ARHGAP10: variants seen among roughly 807,000 people sequenced by gnomAD.
ARHGAP10 encodes the protein rho GTPase-activating protein 10.
A neutral mutation model predicts 108.6 loss-of-function variants in ARHGAP10; 87 were observed. The ratio of observed to expected loss-of-function variants is 0.80; its 90% CI spans 0.67 to 0.96. The LOEUF is 0.96. Among genes scored for constraint, ARHGAP10 ranks in the 40% least tolerant of loss-of-function variants. ARHGAP10 has a pLI of 0.00. For missense variants in ARHGAP10, 939 were observed against 954.5 expected (o/e 0.98, Z 0.21); for synonymous variants, 347 against 341.1 (o/e 1.02, Z -0.19).
chr4:147,773,114 A>G (rs1406922550), intron 1 of ARHGAP10, among the ~76,000 whole-genome samples: 2 of 152,228 alleles, frequency 1.3e-5, no homozygotes, highest in South Asian at 4.1e-4. Context: ...GGGACACTTT[A>G]TATTAAGAAG....
chr4:147,796,580 A>C (rs72955541), intron 1 of ARHGAP10, among the ~76,000 whole-genome samples: 1,658 of 151,878 alleles, frequency 0.011, 27 homozygotes, highest in African/African-American at 0.037. Context: ...GCTGGAATGC[A>C]GTGGTGTCAT....
chr4:147,860,399 G>A (rs1319226469), intron 5 of ARHGAP10, among the ~76,000 whole-genome samples: 1 of 152,138 alleles, frequency 6.6e-6, no homozygotes, highest in Non-Finnish European at 1.5e-5. Context: ...CCGAGATGGG[G>A]CCACTGCACT....
At chr4:147,904,103 A>G (rs1046379795) in intron 10 of ARHGAP10, among the ~76,000 whole-genome samples, 19 of 152,134 alleles carry the variant, frequency 1.2e-4, no homozygotes, top group African/African-American at 4.6e-4. Context: ...GTTGCTCCAC[A>G]TCCTCTTCAA....
At chr4:147,785,104 T>G (rs1033857986) in intron 1 of ARHGAP10, among the ~76,000 whole-genome samples, 2 of 84,148 alleles carry the variant, frequency 2.4e-5, no homozygotes, top group African/African-American at 6.8e-5. Context: ...AAAAAAAGAA[T>G]AACATCTAAG....
chr4:148,022,509 A>T (rs1001627091), intron 18 of ARHGAP10, among the ~76,000 whole-genome samples: 1 of 152,212 alleles, frequency 6.6e-6, no homozygotes, highest in Admixed American at 6.5e-5. Context: ...ACAGCTATGG[A>T]GGGTCTATTA....
intron 18 of ARHGAP10, among the ~76,000 whole-genome samples, chr4:147,991,447 C>T (rs79247023): frequency 0.016 from 2,418 of 152,234 alleles, 50 homozygotes; most frequent in South Asian, 0.077. Context: ...CTTACTCTTC[C>T]CCAGCAACAA....
chr4:147,803,010 T>C (rs541016954), intron 1 of ARHGAP10, among the ~76,000 whole-genome samples: 40 of 145,694 alleles, frequency 2.7e-4, no homozygotes, highest in Admixed American at 1.1e-3. Flanking sequence ...TAGTTTTGTT[T>C]ATTGCTTTTT....
chr4:147,956,751 T>C (rs1217729852), intron 16 of ARHGAP10, among the ~76,000 whole-genome samples: 136 of 126,524 alleles, frequency 1.1e-3, no homozygotes, highest in African/African-American at 4.5e-3. Context: ...TTTTTTTTCC[T>C]TTTTTTTTTT....
intron 1 of ARHGAP10, among the ~76,000 whole-genome samples, chr4:147,792,116 T>C (rs2126747853): frequency 6.6e-6 from 1 of 152,356 alleles, no homozygotes; most frequent in South Asian, 2.1e-4. Flanking sequence ...ATAGTACACA[T>C]TGCTTTACAC....
intron 1 of ARHGAP10, among the ~76,000 whole-genome samples, chr4:147,747,028 G>T (rs1263054066): frequency 6.6e-6 from 1 of 152,152 alleles, no homozygotes; most frequent in African/African-American, 2.4e-5. Flanking sequence ...AGGTAATGGG[G>T]TTAGGGGAGA....
intron 12 of ARHGAP10, among the ~76,000 whole-genome samples, chr4:147,912,546 CAAATATATAT>C (rs1736790144): frequency 1.6e-5 from 1 of 63,224 alleles, no homozygotes; most frequent in Non-Finnish European, 2.6e-5. Flanking sequence ...AACAAACAAA[CAAATATATAT>C]ATATATATAT....
intron 10 of ARHGAP10, among the ~76,000 whole-genome samples, chr4:147,900,870 T>A (rs1018158175): frequency 5.3e-5 from 8 of 152,116 alleles, no homozygotes; most frequent in Admixed American, 1.3e-4. Context: ...TTCTTGTTAT[T>A]TTGCCCAGGC....
chr4:147,969,269 C>T (rs1739315637), intron 18 of ARHGAP10, among the ~76,000 whole-genome samples: 1 of 144,584 alleles, frequency 6.9e-6, no homozygotes, highest in Admixed American at 6.9e-5. Flanking sequence ...TGGGGATTTT[C>T]TTTACCATTA....
chr4:147,944,800 C>T (rs1224220889), intron 14 of ARHGAP10, among the ~76,000 whole-genome samples: 1 of 152,094 alleles, frequency 6.6e-6, no homozygotes, highest in Non-Finnish European at 1.5e-5. Flanking sequence ...GTGTAGAAAA[C>T]CAGGCAAATT....
chr4:147,909,592 A>C (rs1298723179), intron 11 of ARHGAP10, 140 bp from the exon 12 acceptor site: 1 of 694,216 alleles, frequency 1.4e-6, no homozygotes, highest in Non-Finnish European at 2.4e-6. Flanking sequence ...GGGGATGCAG[A>C]CCAATTTCTT....
chr4:147,815,051 G>T (rs148237673), intron 1 of ARHGAP10, among the ~76,000 whole-genome samples: 4 of 152,266 alleles, frequency 2.6e-5, no homozygotes, highest in Admixed American at 2.6e-4. Flanking sequence ...ACAGTCATTA[G>T]GTTGAGACTT....
intron 13 of ARHGAP10, among the ~76,000 whole-genome samples, chr4:147,926,175 T>G (rs1737452899): frequency 6.6e-6 from 1 of 152,180 alleles, no homozygotes; most frequent in Non-Finnish European, 1.5e-5. Context: ...TAACTCTTTC[T>G]GTAGGCTGTG....
chr4:147,830,493 A>G (rs992466937), intron 3 of ARHGAP10, among the ~76,000 whole-genome samples: 1 of 143,124 alleles, frequency 7.0e-6, no homozygotes, highest in Non-Finnish European at 1.5e-5. Flanking sequence ...TTTTTTTTAA[A>G]TGGTCAAAAC....
intron 3 of ARHGAP10, among the ~76,000 whole-genome samples, chr4:147,840,555 C>A (rs954505142): frequency 1.3e-5 from 2 of 152,120 alleles, no homozygotes; most frequent in Non-Finnish European, 2.9e-5. Context: ...GAGTGCTTAC[C>A]TTGTTTGGAT....
Sources: allele counts gnomAD v4.1 joint callset (sites outside exome capture counted in the v4.1 genomes callset), GRCh38; gene constraint gnomAD v4.1.1; transcripts MANE v1.5; gene names NCBI Gene and HGNC (gene_info 2026-07-23, HGNC 2026-07-21).